The following SAMSN1 variants were observed in gnomAD, a reference collection of about 807,000 sequenced individuals.
SAMSN1 encodes the protein SAM domain, SH3 domain and nuclear localization signals 1.
In SAMSN1, 31 loss-of-function variants were observed where a neutral mutation model predicts 42.0. The observed-to-expected ratio is 0.74, with a 90% CI of 0.55 to 1.00. The LOEUF is 1.00. Ranked by LOEUF, SAMSN1 falls within the 50% of genes least tolerant of loss-of-function variation. The pLI is 0.00. For synonymous variants in SAMSN1, 178 were observed against 151.9 expected (o/e 1.17, Z -1.26); for missense variants, 464 against 439.4 (o/e 1.06, Z -0.50).
chr21:14,569,241 G>A (rs962182080), intron 2 of SAMSN1, among the ~76,000 whole-genome samples: 1 of 152,154 alleles, frequency 6.6e-6, no homozygotes, highest in African/African-American at 2.4e-5. Context: ...GCTGCAGTGA[G>A]CTGTGACCGC....
At chr21:14,610,036 A>G (rs1243602686) in intron 4 of SAMSN1, among the ~76,000 whole-genome samples, 1 of 152,190 alleles carries the variant, frequency 6.6e-6, no homozygotes, top group African/African-American at 2.4e-5. Context: ...TTTGTAGAGC[A>G]TGTGTGTTTG....
At chr21:14,486,287 C>G (rs1986434361) in intron 7 of SAMSN1, among the ~76,000 whole-genome samples, 173 bp from the exon 8 acceptor site, 2 of 152,106 alleles carry the variant, frequency 1.3e-5, no homozygotes, top group Non-Finnish European at 2.9e-5. Context: ...GATATTTGCA[C>G]CCAAATATTC....
chr21:14,604,134 A>G (rs1982507293), intron 5 of SAMSN1, among the ~76,000 whole-genome samples: 1 of 152,202 alleles, frequency 6.6e-6, no homozygotes, highest in Non-Finnish European at 1.5e-5. Flanking sequence ...TTTATTTATG[A>G]TTCCCAAATA....
intron 7 of SAMSN1, chr21:14,495,597 C>T (rs766926242): frequency 6.6e-6 from 1 of 151,948 alleles, no homozygotes; most frequent in Admixed American, 6.6e-5. Flanking sequence ...TATGTTTGTA[C>T]CTTACTGGCT....
At chr21:14,499,609 C>T (rs150361514) in intron 6 of SAMSN1, among the ~76,000 whole-genome samples, 4 of 151,972 alleles carry the variant, frequency 2.6e-5, no homozygotes, top group Non-Finnish European at 4.4e-5. Context: ...TGACATATAA[C>T]CATTTAACTG....
At chr21:14,510,590 C>T (rs1040598664) in intron 4 of SAMSN1, 129 bp from the exon 5 acceptor site, 1 of 1,023,184 alleles carries the variant, frequency 9.8e-7, no homozygotes, top group African/African-American at 1.6e-5. Flanking sequence ...TCTAATTGAC[C>T]CATCCTGGTG....
At chr21:14,582,584 A>G (rs1600944318) in intron 1 of SAMSN1, 1 of 518,304 alleles carries the variant, frequency 1.9e-6, no homozygotes, top group South Asian at 3.7e-5. Context: ...ATACACTGCA[A>G]TGGATAAACC....
chr21:14,498,395 A>T (rs1250707928), intron 7 of SAMSN1, 47 bp downstream of exon 7: 4 of 1,531,626 alleles, frequency 2.6e-6, no homozygotes, highest in Non-Finnish European at 3.5e-6. Context: ...TACTATTTAC[A>T]TTAAACTGAT....
chr21:14,603,678 G>A (rs910488342), intron 5 of SAMSN1, among the ~76,000 whole-genome samples: 4 of 152,190 alleles, frequency 2.6e-5, no homozygotes, highest in Non-Finnish European at 5.9e-5. Context: ...ATTGTAATGG[G>A]CCCTGAGTAC....
intron 3 of SAMSN1, among the ~76,000 whole-genome samples, chr21:14,613,121 A>C (rs1982751712): frequency 6.6e-6 from 1 of 152,174 alleles, no homozygotes. Context: ...TTTCTATGCA[A>C]TATGGAGAAA....
intron 2 of SAMSN1, among the ~76,000 whole-genome samples, chr21:14,631,964 A>C (rs905405532): frequency 9.2e-5 from 14 of 152,152 alleles, no homozygotes; most frequent in African/African-American, 3.4e-4. Context: ...GAAGGAAGGA[A>C]GGAAGGGAAG....
At chr21:14,659,178 T>A (rs1368982837), upstream of SAMSN1, among the ~76,000 whole-genome samples, 1 of 151,938 alleles carries the variant, frequency 6.6e-6, no homozygotes, top group Non-Finnish European at 1.5e-5. Context: ...TCATATTTCT[T>A]CCCATCTCCC....
At chr21:14,584,775 G>A (rs1313508606), upstream of SAMSN1, among the ~76,000 whole-genome samples, 3 of 152,184 alleles carry the variant, frequency 2.0e-5, no homozygotes, top group Non-Finnish European at 4.4e-5. Context: ...TTTTCAAGAG[G>A]TGAATATTTG....
intron 1 of SAMSN1, among the ~76,000 whole-genome samples, chr21:14,537,404 A>G (rs1444086207): frequency 6.6e-6 from 1 of 152,010 alleles, no homozygotes; most frequent in African/African-American, 2.4e-5. Context: ...ACCTATCATT[A>G]TCTAGCATAC....
At chr21:14,621,164 G>A (rs1342554534) in intron 2 of SAMSN1, among the ~76,000 whole-genome samples, 2 of 152,162 alleles carry the variant, frequency 1.3e-5, no homozygotes, top group Non-Finnish European at 2.9e-5. Context: ...AAACTTCAAA[G>A]GTAATAGACA....
intron 6 of SAMSN1, among the ~76,000 whole-genome samples, chr21:14,599,862 T>G (rs1213387207): frequency 6.6e-6 from 1 of 152,202 alleles, no homozygotes; most frequent in East Asian, 1.9e-4. Flanking sequence ...TTTCTTTATT[T>G]TGTTTTTATT....
At chr21:14,582,410 C>T in exon 2 of SAMSN1, 1 of 1,549,510 alleles carries the variant, frequency 6.5e-7, no homozygotes, top group Non-Finnish European at 8.7e-7. Flanking sequence ...TTCCTTCCTC[C>T]TCGTGCTAAC....
At chr21:14,495,775 T>C (rs948878551) in intron 7 of SAMSN1, 2 of 152,240 alleles carry the variant, frequency 1.3e-5, no homozygotes, top group Non-Finnish European at 2.9e-5. Flanking sequence ...GCGGAACATG[T>C]TTCTGATAGA....
At chr21:14,569,625 T>C (rs1053781109) in intron 2 of SAMSN1, among the ~76,000 whole-genome samples, 4 of 152,198 alleles carry the variant, frequency 2.6e-5, no homozygotes, top group Admixed American at 6.6e-5. Context: ...TTGAAAGTTA[T>C]TGATTCTGCA....
Sources: allele counts gnomAD v4.1 joint callset (sites outside exome capture counted in the v4.1 genomes callset), GRCh38; gene constraint gnomAD v4.1.1; transcripts MANE v1.5; gene names NCBI Gene and HGNC (gene_info 2026-07-23, HGNC 2026-07-21).